Variants in ABLIM1 observed in about 807,000 individuals in gnomAD.
ABLIM1 encodes actin-binding LIM protein 1.
In ABLIM1, 40 loss-of-function variants were observed where a neutral mutation model predicts 107.0. The ratio of observed to expected loss-of-function variants is 0.37; its 90% CI spans 0.29 to 0.49. The LOEUF is 0.49. Among genes scored for constraint, ABLIM1 ranks in the 20% least tolerant of loss-of-function variants. The pLI, the probability that ABLIM1 is intolerant of heterozygous loss-of-function variation, is 0.97. For synonymous variants in ABLIM1, 357 were observed against 357.3 expected (o/e 1.00, Z 0.01); for missense variants, 857 against 1,008.5 (o/e 0.85, Z 2.04).
chr10:114,648,141 CAG>C (rs1263824371), intron 1 of ABLIM1, among the ~76,000 whole-genome samples: 1 of 152,118 alleles, frequency 6.6e-6, no homozygotes, highest in Non-Finnish European at 1.5e-5. Context: ...AAAAGTTAAA[CAG>C]AGAATTATCG....
At chr10:114,627,863 C>T (rs1001298365) in intron 1 of ABLIM1, among the ~76,000 whole-genome samples, 2 of 152,174 alleles carry the variant, frequency 1.3e-5, no homozygotes, top group Admixed American at 1.3e-4. Flanking sequence ...TGGCTCTTGC[C>T]TGTAATCCCA....
At chr10:114,677,548 G>A (rs1291243553) in intron 1 of ABLIM1, among the ~76,000 whole-genome samples, 1 of 152,140 alleles carries the variant, frequency 6.6e-6, no homozygotes, top group East Asian at 1.9e-4. Flanking sequence ...CGAGGTGGGA[G>A]GATCACTTGA....
At chr10:114,769,463 G>C, upstream of ABLIM1, among the ~76,000 whole-genome samples, 1 of 76,210 alleles carries the variant, frequency 1.3e-5, no homozygotes, top group African/African-American at 4.5e-5. Flanking sequence ...AAGAAAGAAA[G>C]AAAGAAAGAA....
intron 1 of ABLIM1, among the ~76,000 whole-genome samples, chr10:114,759,097 G>A (rs2082690482): frequency 6.6e-6 from 1 of 152,080 alleles, no homozygotes; most frequent in Admixed American, 6.6e-5. Context: ...CACAACTCCT[G>A]CTTTCATGTT....
At chr10:114,762,747 A>C (rs1219892154) in intron 1 of ABLIM1, among the ~76,000 whole-genome samples, 1 of 151,968 alleles carries the variant, frequency 6.6e-6, no homozygotes, top group South Asian at 2.1e-4. Context: ...TCAATTTACA[A>C]AACTAGGGTC....
intron 20 of ABLIM1, 82 bp from the exon 21 acceptor site, chr10:114,439,332 T>C (rs1293005769): frequency 7.1e-6 from 10 of 1,403,750 alleles, no homozygotes; most frequent in Non-Finnish European, 1.0e-5. Flanking sequence ...CCCAATTCCC[T>C]GTTGGGTCTC....
intron 2 of ABLIM1, among the ~76,000 whole-genome samples, chr10:114,577,203 A>G (rs2072710197): frequency 6.6e-6 from 1 of 152,178 alleles, no homozygotes; most frequent in Admixed American, 6.5e-5. Context: ...CTTCTTCAGG[A>G]ACCTAATTGT....
chr10:114,543,816 C>T (rs535312351), intron 6 of ABLIM1, among the ~76,000 whole-genome samples: 1 of 152,188 alleles, frequency 6.6e-6, no homozygotes, highest in East Asian at 1.9e-4. Context: ...TTTTCCTCAC[C>T]TCTGAGCCTC....
At chr10:114,671,643 C>T (rs11819194) in intron 1 of ABLIM1, among the ~76,000 whole-genome samples, 1 of 152,172 alleles carries the variant, frequency 6.6e-6, no homozygotes, top group Non-Finnish European at 1.5e-5. Context: ...GTCAGACCTT[C>T]TAATTTTACC....
chr10:114,576,666 G>A (rs759822651), intron 2 of ABLIM1, among the ~76,000 whole-genome samples: 2 of 152,038 alleles, frequency 1.3e-5, no homozygotes, highest in South Asian at 2.1e-4. Flanking sequence ...TGAAAGTCAC[G>A]ACTCCCCCAC....
At chr10:114,669,318 C>CAAACA (rs1433495427) in intron 1 of ABLIM1, among the ~76,000 whole-genome samples, 1 of 152,142 alleles carries the variant, frequency 6.6e-6, no homozygotes, top group Non-Finnish European at 1.5e-5. Flanking sequence ...GAAAACAAAA[C>CAAACA]AAACAAAACA....
intron 2 of ABLIM1, among the ~76,000 whole-genome samples, chr10:114,598,308 C>T (rs1307277397): frequency 6.9e-6 from 1 of 145,012 alleles, no homozygotes; most frequent in Admixed American, 7.1e-5. Flanking sequence ...AAATGTGCGG[C>T]CGGGTGCAGT....
chr10:114,502,794 A>C (rs918717052), intron 6 of ABLIM1, among the ~76,000 whole-genome samples: 2 of 152,220 alleles, frequency 1.3e-5, no homozygotes, highest in African/African-American at 4.8e-5. Flanking sequence ...AGCATTGAGA[A>C]AAATGCACAA....
chr10:114,769,493 G>A (rs12762521), upstream of ABLIM1, among the ~76,000 whole-genome samples: 1 of 144,902 alleles, frequency 6.9e-6, no homozygotes, highest in Non-Finnish European at 1.5e-5. Context: ...AAGAAAGAAA[G>A]GGAAGGAAGA....
upstream of ABLIM1, among the ~76,000 whole-genome samples, chr10:114,686,420 G>A (rs1450196425): frequency 3.3e-5 from 5 of 152,082 alleles, no homozygotes; most frequent in African/African-American, 1.2e-4. Flanking sequence ...GGCTGAGGCA[G>A]GAGGATTGCT....
intron 1 of ABLIM1, among the ~76,000 whole-genome samples, chr10:114,624,529 C>G (rs1477584042): frequency 6.6e-6 from 1 of 152,206 alleles, no homozygotes; most frequent in African/African-American, 2.4e-5. Flanking sequence ...AATACCACCT[C>G]CAAAGTCTGA....
At chr10:114,685,927 A>C (rs1181285080), upstream of ABLIM1, among the ~76,000 whole-genome samples, 1 of 152,164 alleles carries the variant, frequency 6.6e-6, no homozygotes, top group African/African-American at 2.4e-5. Context: ...TACTCCTTTA[A>C]ATCTCGAAGT....
At chr10:114,705,539 A>T (rs1337023858) in intron 1 of ABLIM1, among the ~76,000 whole-genome samples, 3 of 152,210 alleles carry the variant, frequency 2.0e-5, no homozygotes, top group African/African-American at 7.2e-5. Context: ...GTAAGGATGA[A>T]GGAAACGGGA....
At chr10:114,589,663 C>G (rs748982663) in intron 2 of ABLIM1, among the ~76,000 whole-genome samples, 3 of 152,030 alleles carry the variant, frequency 2.0e-5, no homozygotes, top group Non-Finnish European at 4.4e-5. Flanking sequence ...CTGCCTCAGC[C>G]TCCTGAGTAG....
Sources: allele counts gnomAD v4.1 joint callset (sites outside exome capture counted in the v4.1 genomes callset), GRCh38; gene constraint gnomAD v4.1.1; transcripts MANE v1.5; gene names NCBI Gene and HGNC (gene_info 2026-07-23, HGNC 2026-07-21).